Variants in ADGRL3 observed in about 807,000 individuals in gnomAD.
ADGRL3 encodes the protein adhesion G protein-coupled receptor L3.
In ADGRL3, 62 loss-of-function variants were observed where a neutral mutation model predicts 153.5. The observed-to-expected ratio is 0.40, with a 90% CI of 0.33 to 0.50. The LOEUF (loss-of-function observed/expected upper bound fraction) is 0.50, where lower values mean the gene tolerates loss of function less well. Among genes scored for constraint, ADGRL3 ranks in the 20% least tolerant of loss-of-function variants. The pLI, the probability that ADGRL3 is intolerant of heterozygous loss-of-function variation, is 0.47. For synonymous variants in ADGRL3, 710 were observed against 672.5 expected (o/e 1.06, Z -0.86); for missense variants, 1,641 against 1,859.4 (o/e 0.88, Z 2.16).
chr4:61,882,430 A>G (rs1248343648), intron 9 of ADGRL3, among the ~76,000 whole-genome samples: 2 of 152,200 alleles, frequency 1.3e-5, no homozygotes, highest in South Asian at 2.1e-4. Context: ...TGTTTAGCCA[A>G]ATAGGTACAT....
intron 17 of ADGRL3, among the ~76,000 whole-genome samples, chr4:61,957,549 G>GTATGTATTTATT (rs1553893788): frequency 9.0e-5 from 13 of 144,454 alleles, no homozygotes; most frequent in East Asian, 2.0e-4. Flanking sequence ...TTACATTTAT[G>GTATGTATTTATT]TATTTATTTA....
At chr4:61,674,192 A>AGATAGATG (rs2095108940) in intron 5 of ADGRL3, among the ~76,000 whole-genome samples, 1 of 147,382 alleles carries the variant, frequency 6.8e-6, no homozygotes, top group South Asian at 2.2e-4. Flanking sequence ...ATAGATAGAT[A>AGATAGATG]GATGTGTATA....
chr4:61,609,811 C>T (rs1228628030), intron 5 of ADGRL3, among the ~76,000 whole-genome samples: 1 of 151,936 alleles, frequency 6.6e-6, no homozygotes, highest in Non-Finnish European at 1.5e-5. Context: ...TTTAAAATGG[C>T]CTGTGAGCAG....
chr4:61,971,918 C>T (rs1308724998), intron 17 of ADGRL3, among the ~76,000 whole-genome samples: 7 of 152,120 alleles, frequency 4.6e-5, no homozygotes, highest in Admixed American at 2.0e-4. Flanking sequence ...TGATGGTGAG[C>T]ATTTTTTCAT....
chr4:61,707,434 G>T (rs1220855560), intron 6 of ADGRL3, among the ~76,000 whole-genome samples: 1 of 152,080 alleles, frequency 6.6e-6, no homozygotes, highest in Non-Finnish European at 1.5e-5. Context: ...AAATATGCCT[G>T]TGCTAATACT....
chr4:61,430,079 C>G (rs1386905521), intron 2 of ADGRL3, among the ~76,000 whole-genome samples: 1 of 152,108 alleles, frequency 6.6e-6, no homozygotes, highest in Non-Finnish European at 1.5e-5. Flanking sequence ...ATTTCAAACT[C>G]TACATCGACA....
chr4:61,277,293 G>A (rs2093510481), intron 1 of ADGRL3, among the ~76,000 whole-genome samples: 2 of 152,042 alleles, frequency 1.3e-5, no homozygotes, highest in Admixed American at 6.6e-5. Flanking sequence ...CTATGAATGC[G>A]ATTTTTAGAA....
rs115575222 is a variant in ADGRL3, at chr4:61,770,838, G to C, written c.1399+37284G>C. Among the ~76,000 whole-genome samples, 518 of 152,270 alleles carry C rather than the reference G, an allele frequency of 3.4e-3. 4 individuals are homozygous for C. The highest frequency in any genetic ancestry group is 6.8e-3 in the Middle Eastern group (2 of 294). On this transcript the variant is annotated intron_variant, in intron 8 of 26. Transcript: ENST00000683033. ...AAATAAAGATCCCTATGAGTTGCAT[G>C]CCTTTAGAAAGTTTTAATAAATTGT...
At chr4:61,497,016 G>A (rs534873463) in intron 2 of ADGRL3, 105 bp from the exon 3 acceptor site, 1 of 354,036 alleles carries the variant, frequency 2.8e-6, no homozygotes, top group African/African-American at 2.2e-5. Context: ...ATTAAGATCT[G>A]AGGCCAGGAT....
At chr4:61,369,080 G>C (rs969302219) in intron 1 of ADGRL3, among the ~76,000 whole-genome samples, 182 of 152,176 alleles carry the variant, frequency 1.2e-3, no homozygotes, top group Non-Finnish European at 1.6e-3. Flanking sequence ...CATTGATTTT[G>C]TATCCTGAGA....
intron 6 of ADGRL3, among the ~76,000 whole-genome samples, chr4:61,724,442 G>T (rs941285628): frequency 6.6e-6 from 1 of 152,104 alleles, no homozygotes; most frequent in Admixed American, 6.6e-5. Flanking sequence ...TATAGATATT[G>T]CATTTAAGTG....
At chr4:61,700,096 G>T (rs1197512888) in intron 6 of ADGRL3, among the ~76,000 whole-genome samples, 2 of 152,080 alleles carry the variant, frequency 1.3e-5, no homozygotes, top group African/African-American at 4.8e-5. Flanking sequence ...GGTTGTACAT[G>T]AGTCAATCCA....
intron 8 of ADGRL3, among the ~76,000 whole-genome samples, chr4:61,759,642 T>G (rs779051997): frequency 4.0e-5 from 6 of 149,712 alleles, no homozygotes; most frequent in Non-Finnish European, 5.9e-5. Context: ...CAGAGTAGTT[T>G]GATCATCTGA....
rs1322262146 is a variant in ADGRL3 at position 62,076,758 on chromosome 4, A to T, written c.*5850A>T. The T allele has an allele frequency of 6.6e-6, 1 of 151,870 alleles. No individual in the cohort carries two copies. Among genetic ancestry groups the T allele is most frequent in the Non-Finnish European group, 1.5e-5 (1 of 67,876 alleles). The allele number at this position is 151,870 out of a possible 1,614,324, so 9.4% of individuals were successfully genotyped here. On this transcript the variant is annotated 3_prime_UTR_variant, in exon 27 of 27. Coordinates refer to ENST00000683033, the MANE Select transcript of ADGRL3 (RefSeq NM_001387552.1). ...ATCAATATTTTATAAATGTTTCTTA[A>T]ATATAAGTATTTTGTCTGAATTCAT...
chr4:61,926,730 G>A (rs1270014321), intron 13 of ADGRL3, among the ~76,000 whole-genome samples: 1 of 152,152 alleles, frequency 6.6e-6, no homozygotes, highest in African/African-American at 2.4e-5. Context: ...AACCGTTACT[G>A]TATATTGCTC....
rs776832106 is a variant in ADGRL3 at position 61,813,856 on chromosome 4, C to A, written c.1447C>A (p.Leu483Ile). The change falls in exon 9 of 27, where the codon CTT (leucine) becomes ATT (isoleucine). Residue 483 changes from leucine (L) to isoleucine (I), a missense_variant. This residue lies in a region of ADGRL3 where 734 missense variants were observed against 797.0 expected (regional missense o/e 0.92). Coordinates refer to ENST00000683033, the MANE Select transcript of ADGRL3 (RefSeq NM_001387552.1). Reference sequence around the variant, plus strand: ...TTCATACATTTCTCCGCCAATTCACCTTGACTCTGAGCTAGAAAGACCCTC... The same window carrying A: ...TTCATACATTTCTCCGCCAATTCACATTGACTCTGAGCTAGAAAGACCCTC... ...QVSYISPPIHLDSELERPSVK... is the reference protein window; with the variant it reads ...QVSYISPPIHIDSELERPSVK... 34 of 1,578,854 alleles carry A rather than the reference C, an allele frequency of 2.2e-5. No individual in the cohort carries two copies. The highest frequency in any genetic ancestry group is 2.8e-5 in the Non-Finnish European group (32 of 1,148,050).
chr4:61,675,542 G>A (rs1346904480), intron 5 of ADGRL3, among the ~76,000 whole-genome samples: 1 of 150,674 alleles, frequency 6.6e-6, no homozygotes, highest in East Asian at 1.9e-4. Context: ...CAACATGTTT[G>A]TTTTTCCCCA....
intron 21 of ADGRL3, among the ~76,000 whole-genome samples, chr4:62,018,984 A>G (rs2099225764): frequency 6.6e-6 from 1 of 152,170 alleles, no homozygotes; most frequent in African/African-American, 2.4e-5. Flanking sequence ...CATATGTACA[A>G]TTTAACACCT....
chr4:61,400,230 TA>T (rs1465129586), intron 2 of ADGRL3, among the ~76,000 whole-genome samples: 1 of 151,832 alleles, frequency 6.6e-6, no homozygotes, highest in East Asian at 1.9e-4. Context: ...ACAAGTGTAG[TA>T]ATTATAGAAA....
Sources: gnomAD v4.1 joint callset for allele counts (sites outside exome capture counted in the v4.1 genomes callset) on GRCh38, gnomAD v4.1.1 for gene constraint, gnomAD v4.1.1 regional missense constraint, MANE v1.5 for transcripts, NCBI Gene and HGNC (gene_info 2026-07-23, HGNC 2026-07-21) for gene names.